DACH1: variants seen among roughly 807,000 people sequenced by gnomAD.
DACH1 encodes the protein dachshund homolog 1.
DACH1 carries 12 observed loss-of-function variants against 54.2 expected under a neutral mutation model. The ratio of observed to expected loss-of-function variants is 0.22; its 90% CI spans 0.14 to 0.36. The LOEUF (loss-of-function observed/expected upper bound fraction) is 0.36. DACH1 is among the 10% of genes least tolerant of loss of function. The pLI is 1.00. For synonymous variants in DACH1, 386 were observed against 366.2 expected (o/e 1.05, Z -0.62); for missense variants, 805 against 929.8 (o/e 0.87, Z 1.75).
At chr13:71,747,511 G>T (rs184536249) in intron 1 of DACH1, among the ~76,000 whole-genome samples, 86 of 152,238 alleles carry the variant, frequency 5.6e-4, no homozygotes, top group African/African-American at 2.0e-3. Context: ...AACCTAGGAG[G>T]CGGAGGTTGC....
At chr13:71,453,995 A>T (rs1392244501) in intron 10 of DACH1, among the ~76,000 whole-genome samples, 1 of 152,152 alleles carries the variant, frequency 6.6e-6, no homozygotes, top group African/African-American at 2.4e-5. Context: ...TCTGTGCACT[A>T]AAAACACAGA....
rs560103487 is a variant in DACH1 at position 71,641,988 on chromosome 13, A to T, written c.965-11271T>A. 6.6e-5 allele frequency among the ~76,000 whole-genome samples: 10 copies of T among 152,320 alleles called. No individual in the cohort carries two copies. The East Asian group carries it at 1.9e-3, about 29-fold the overall frequency. Reference sequence around the variant, plus strand: ...TCACTTCTCTTTTTGCTGCAAAAAAATTATTCCAACAGAAAGAAATGTTTA... The same window carrying T: ...TCACTTCTCTTTTTGCTGCAAAAAATTTATTCCAACAGAAAGAAATGTTTA... On this transcript the variant is annotated intron_variant, in intron 2 of 10. Coordinates refer to ENST00000613252, the MANE Select transcript of DACH1 (RefSeq NM_080759.6).
chr13:71,546,484 A>G (rs1264075482), intron 6 of DACH1, among the ~76,000 whole-genome samples: 1 of 152,058 alleles, frequency 6.6e-6, no homozygotes, highest in East Asian at 1.9e-4. Context: ...ACATTAAAAC[A>G]TAAGGGTACT....
chr13:71,574,014 G>A (rs574511183), intron 3 of DACH1, among the ~76,000 whole-genome samples: 35 of 152,166 alleles, frequency 2.3e-4, no homozygotes, highest in South Asian at 8.3e-4. Flanking sequence ...GCCATTAAAC[G>A]TCCAGCTTGG....
At chr13:71,688,309 A>G (rs1881290276) in intron 1 of DACH1, among the ~76,000 whole-genome samples, 1 of 152,226 alleles carries the variant, frequency 6.6e-6, no homozygotes, top group Admixed American at 6.5e-5. Context: ...CAGTTTATCA[A>G]TGCATAGTTT....
At chr13:71,759,926 C>T (rs1488231026) in intron 1 of DACH1, among the ~76,000 whole-genome samples, 1 of 152,188 alleles carries the variant, frequency 6.6e-6, no homozygotes, top group African/African-American at 2.4e-5. Flanking sequence ...AATGAGTCCT[C>T]ACAATGTAAG....
chr13:71,741,215 A>G (rs944848145), intron 1 of DACH1, among the ~76,000 whole-genome samples: 3 of 152,192 alleles, frequency 2.0e-5, no homozygotes, highest in African/African-American at 7.2e-5. Context: ...GTATTTGGCA[A>G]AATTTCCATT....
chr13:71,455,027 T>G (rs1467701490), intron 10 of DACH1, among the ~76,000 whole-genome samples: 1 of 152,206 alleles, frequency 6.6e-6, no homozygotes. Context: ...ATTGCTAACA[T>G]AATTCCAGAT....
chr13:71,778,476 T>C (rs1263388708), intron 1 of DACH1, among the ~76,000 whole-genome samples: 1 of 152,150 alleles, frequency 6.6e-6, no homozygotes. Context: ...TAAAATTAAC[T>C]TTCTGTGGAT....
intron 1 of DACH1, among the ~76,000 whole-genome samples, chr13:71,848,313 A>T (rs185541387): frequency 2.6e-5 from 4 of 152,232 alleles, no homozygotes; most frequent in Admixed American, 2.6e-4. Flanking sequence ...ATTTTCTTTG[A>T]AAGTTAGTGT....
intron 1 of DACH1, among the ~76,000 whole-genome samples, chr13:71,750,621 G>A (rs1442911059): frequency 6.6e-6 from 1 of 152,194 alleles, no homozygotes; most frequent in Non-Finnish European, 1.5e-5. Flanking sequence ...TGAAAGTGTT[G>A]TTTAATTTAA....
chr13:71,687,279 G>A (rs1881220089), intron 1 of DACH1, among the ~76,000 whole-genome samples: 1 of 152,016 alleles, frequency 6.6e-6, no homozygotes, highest in South Asian at 2.1e-4. Flanking sequence ...TGATGGGAAA[G>A]TTACAATTTG....
chr13:71,564,789 A>G (rs1316606600), intron 4 of DACH1, among the ~76,000 whole-genome samples: 1 of 152,126 alleles, frequency 6.6e-6, no homozygotes, highest in African/African-American at 2.4e-5. Flanking sequence ...ATTTCTCTAA[A>G]GGATTATTTC....
chr13:71,627,686 A>G (rs1876759654), intron 3 of DACH1, among the ~76,000 whole-genome samples: 1 of 151,992 alleles, frequency 6.6e-6, no homozygotes, highest in South Asian at 2.1e-4. Flanking sequence ...TTACCTACCT[A>G]TCTCATCCAT....
intron 1 of DACH1, among the ~76,000 whole-genome samples, chr13:71,729,556 C>T (rs76922257): frequency 0.025 from 3,844 of 152,144 alleles, 164 homozygotes; most frequent in African/African-American, 0.086. Flanking sequence ...TGCTAGCATA[C>T]TGCTATGTAT....
intron 4 of DACH1, 96 bp from the exon 5 acceptor site, chr13:71,560,051 T>C (rs1398084574): frequency 1.5e-6 from 2 of 1,323,552 alleles, no homozygotes; most frequent in Admixed American, 3.3e-5. Flanking sequence ...CAATAAGAAA[T>C]GTAAAGAGAA....
intron 10 of DACH1, among the ~76,000 whole-genome samples, chr13:71,442,265 C>A (rs1020035042): frequency 6.6e-6 from 1 of 152,052 alleles, no homozygotes; most frequent in Non-Finnish European, 1.5e-5. Flanking sequence ...ATTTTTAGCT[C>A]CCACAAATAA....
chr13:71,511,184 T>G (rs1023291632), intron 6 of DACH1, among the ~76,000 whole-genome samples: 3 of 151,942 alleles, frequency 2.0e-5, no homozygotes, highest in African/African-American at 7.2e-5. Flanking sequence ...ATGACACGCA[T>G]GTGAGTATGG....
At chr13:71,445,330 C>T (rs1874354891) in intron 10 of DACH1, among the ~76,000 whole-genome samples, 2 of 152,094 alleles carry the variant, frequency 1.3e-5, no homozygotes, top group South Asian at 4.1e-4. Flanking sequence ...ATTTCATAAG[C>T]ATCTTTACCA....
Sources: gnomAD v4.1 joint callset for allele counts (sites outside exome capture counted in the v4.1 genomes callset) on GRCh38, gnomAD v4.1.1 for gene constraint, MANE v1.5 for transcripts, NCBI Gene and HGNC (gene_info 2026-07-23, HGNC 2026-07-21) for gene names.